Variants in TEX11 observed in about 807,000 individuals in gnomAD.
TEX11 encodes the protein testis expressed 11.
TEX11 carries 7 observed loss-of-function variants against 84.4 expected under a neutral mutation model. That is an observed-to-expected ratio of 0.08 (90% CI 0.05 to 0.16). The LOEUF (loss-of-function observed/expected upper bound fraction) is 0.16. Among genes scored for constraint, TEX11 ranks in the 10% least tolerant of loss-of-function variants. TEX11 has a pLI of 1.00. For synonymous variants in TEX11, 264 were observed against 222.8 expected (o/e 1.18, Z -1.64); for missense variants, 551 against 660.5 (o/e 0.83, Z 1.82).
chrX:70,743,064 C>G (rs970710221), intron 10 of TEX11, among the ~76,000 whole-genome samples: 3 of 111,922 alleles, frequency 2.7e-5, no homozygotes, highest in African/African-American at 6.5e-5. Context: ...CTCCCTACCC[C>G]CTAAAACCAC....
chrX:70,519,941 C>T, the TEX11 span, among the ~76,000 whole-genome samples: 1 of 111,819 alleles, frequency 8.9e-6, no homozygotes, highest in Non-Finnish European at 1.9e-5. Context: ...TCACGTAGTT[C>T]TCATGCCATG....
intron 28 of TEX11, among the ~76,000 whole-genome samples, chrX:70,549,681 G>C (rs2088187848): frequency 8.9e-6 from 1 of 112,036 alleles, no homozygotes; most frequent in African/African-American, 3.2e-5. Flanking sequence ...AGACTCTTCT[G>C]CGTGTGGAAA....
At chrX:70,660,802 A>C (rs1371805425) in intron 16 of TEX11, among the ~76,000 whole-genome samples, 2 of 112,652 alleles carry the variant, frequency 1.8e-5, no homozygotes, top group Non-Finnish European at 3.8e-5. Context: ...TTGGGAGGTC[A>C]AGGTGGGTGG....
At chrX:70,666,036 C>T (rs1184770876) in intron 16 of TEX11, among the ~76,000 whole-genome samples, 1 of 111,653 alleles carries the variant, frequency 9.0e-6, no homozygotes, top group Non-Finnish European at 1.9e-5. Context: ...TAATGAGCAT[C>T]TACTATGCAT....
intron 15 of TEX11, among the ~76,000 whole-genome samples, chrX:70,678,458 G>T (rs1430936129): frequency 3.8e-5 from 1 of 26,577 alleles, no homozygotes; most frequent in African/African-American, 1.2e-4. Flanking sequence ...GAGTTGTCTT[G>T]TAAAGGTTTT....
At position 70,793,508 on chromosome X, in the gene TEX11, G is replaced by A. The variant is rs140543930; in HGVS notation, c.692+13197C>T. 1.5e-3 allele frequency among the ~76,000 whole-genome samples: 172 copies of A among 111,102 alleles called. 2 individuals carry two copies. The highest frequency in any genetic ancestry group is 2.1e-3 in the Non-Finnish European group (110 of 53,004). ...ACGAAATCTGGTTTTGTAGAAGTGGGTGGCACTTTCCCTCCCACCCTCACT... is the reference window on the plus strand; with the variant it reads ...ACGAAATCTGGTTTTGTAGAAGTGGATGGCACTTTCCCTCCCACCCTCACT... On this transcript the variant is annotated intron_variant, in intron 9 of 29. Transcript: ENST00000374333.
At chrX:70,737,831 C>G (rs7057617) in intron 11 of TEX11, among the ~76,000 whole-genome samples, 8,727 of 110,830 alleles carry the variant, frequency 0.079, 424 homozygotes, top group Admixed American at 0.24. Flanking sequence ...GAAGAAATTG[C>G]AACCCTTGTG....
At chrX:70,537,932 T>C (rs928854336) in intron 28 of TEX11, among the ~76,000 whole-genome samples, 3 of 111,275 alleles carry the variant, frequency 2.7e-5, no homozygotes, top group Admixed American at 9.6e-5. Flanking sequence ...TGAAGAGATA[T>C]AGGTTTTAAG....
At chrX:70,567,597 A>G (rs1320339166) in intron 25 of TEX11, among the ~76,000 whole-genome samples, 3 of 110,859 alleles carry the variant, frequency 2.7e-5, no homozygotes, top group African/African-American at 9.8e-5. Flanking sequence ...AGATTCTGGT[A>G]TGTTGTGTCT....
intron 4 of TEX11, among the ~76,000 whole-genome samples, chrX:70,862,804 A>G (rs1261691475): frequency 9.2e-6 from 1 of 108,524 alleles, no homozygotes; most frequent in African/African-American, 3.4e-5. Flanking sequence ...AATCCCAGCT[A>G]CTAGAGAGAC....
At chrX:70,605,210 A>G (rs139261379) in intron 24 of TEX11, among the ~76,000 whole-genome samples, 191 bp downstream of exon 24, 4 of 111,888 alleles carry the variant, frequency 3.6e-5, no homozygotes, top group African/African-American at 1.3e-4. Flanking sequence ...AATCTTCTTA[A>G]AAGAAGAGGC....
chrX:70,804,886 C>T (rs1455121419), intron 9 of TEX11, among the ~76,000 whole-genome samples: 2 of 109,712 alleles, frequency 1.8e-5, no homozygotes, highest in Admixed American at 2.0e-4. Flanking sequence ...ATTTTTATGA[C>T]TCCTAACTCA....
intron 4 of TEX11, among the ~76,000 whole-genome samples, chrX:70,864,503 C>T (rs1390958958): frequency 3.7e-5 from 4 of 108,757 alleles, no homozygotes; most frequent in South Asian, 4.1e-4. Context: ...TTTGGGAGGC[C>T]GAGGTGGGCG....
At chrX:70,852,291 T>C (rs1322793253) in intron 7 of TEX11, among the ~76,000 whole-genome samples, 1 of 112,011 alleles carries the variant, frequency 8.9e-6, no homozygotes, top group East Asian at 2.8e-4. Flanking sequence ...CAAGGAATCC[T>C]TCTGCCTCAG....
intron 4 of TEX11, among the ~76,000 whole-genome samples, chrX:70,869,245 T>C (rs1477712144): frequency 9.1e-6 from 1 of 109,485 alleles, no homozygotes; most frequent in Non-Finnish European, 1.9e-5. Context: ...AAAAGTATCT[T>C]GAGTACCTCC....
At chrX:70,569,534 G>C (rs1242280018) in intron 25 of TEX11, among the ~76,000 whole-genome samples, 1 of 111,166 alleles carries the variant, frequency 9.0e-6, no homozygotes, top group African/African-American at 3.3e-5. Flanking sequence ...CATCTTTGTG[G>C]TTTTATCTAC....
intron 13 of TEX11, among the ~76,000 whole-genome samples, chrX:70,698,731 C>T (rs141465463): frequency 5.8e-5 from 2 of 34,334 alleles, no homozygotes; most frequent in South Asian, 1.9e-3. Flanking sequence ...ATGGGAACCT[C>T]CCAGCTTGAG....
At chrX:70,611,034 G>C (rs1036704149) in intron 20 of TEX11, among the ~76,000 whole-genome samples, 1 of 112,103 alleles carries the variant, frequency 8.9e-6, no homozygotes, top group East Asian at 2.8e-4. Context: ...AAATTTCCAC[G>C]GTTCTAAGGA....
intron 11 of TEX11, among the ~76,000 whole-genome samples, chrX:70,735,348 G>A (rs945077564): frequency 9.9e-5 from 11 of 111,498 alleles, no homozygotes; most frequent in East Asian, 5.6e-4. Flanking sequence ...CACAGCGTCC[G>A]GCCAGAAAAT....
Sources: allele counts gnomAD v4.1 joint callset (sites outside exome capture counted in the v4.1 genomes callset), GRCh38; gene constraint gnomAD v4.1.1; transcripts MANE v1.5; gene names NCBI Gene and HGNC (gene_info 2026-07-23, HGNC 2026-07-21).